CYP17A1: variants seen among roughly 807,000 people sequenced by gnomAD.
The protein encoded by CYP17A1 is cytochrome P450 family 17 subfamily A member 1.
A neutral mutation model predicts 38.5 loss-of-function variants in CYP17A1; 27 were observed. The ratio of observed to expected loss-of-function variants is 0.70; its 90% CI spans 0.52 to 0.97. The LOEUF is 0.97. Among genes scored for constraint, CYP17A1 ranks in the 50% least tolerant of loss-of-function variants. The probability of loss-of-function intolerance (pLI) is 0.00; values close to 1 mark genes in which losing one functional copy is unlikely to be tolerated. For missense variants in CYP17A1, 549 were observed against 645.9 expected, an observed-to-expected ratio of 0.85 and a Z score of 1.63; for synonymous variants, 263 against 253.3, an observed-to-expected ratio of 1.04 and a Z score of -0.36.
Position 102,834,861 on chromosome 10 carries a change from A to G in CYP17A1, c.590T>C (p.Val197Ala). ...GATGCCTTCATTGTAATTCTGTATG[A>G]CATTCAACTCAGGGTCCCCATTCTT... Reference protein sequence around the residue: ...SYKNGDPELNVIQNYNEGIID... With the variant: ...SYKNGDPELNAIQNYNEGIID... The change falls in exon 3 of 8, where the codon GTC becomes GCC. Residue 197 changes from valine to alanine, a missense_variant. Around this residue, in one of 3 missense-constraint regions of CYP17A1, gnomAD observed 289 missense variants for 320.9 expected, o/e 0.90. Transcript: ENST00000369887. 1 of 1,614,120 alleles carries G rather than the reference A, an allele frequency of 6.2e-7. No individual in the cohort carries two copies. Among genetic ancestry groups the G allele is most frequent in the South Asian group, 1.1e-5 (1 of 91,072 alleles).
intron 2 of CYP17A1, 107 bp downstream of exon 2, chr10:102,835,147 G>T: frequency 8.7e-7 from 1 of 1,151,434 alleles, no homozygotes; most frequent in Non-Finnish European, 1.3e-6. Flanking sequence ...CCAAGAAAAG[G>T]CTGCATTGCG....
chr10:102,837,268 G>A lies in CYP17A1; in HGVS notation c.94C>T (p.Leu32=), dbSNP rs2134085603. The part of the protein sequence containing the change: ...CPGAKYPKSL[L]SLPLVGSLPF... ...AGGCTGCCCACCAGGGGCAGGGACA[G>A]GAGGCTCTTGGGGTACTTGGCACCA... is the stretch of plus-strand genomic sequence containing the variant. The change falls in exon 1 of 8, where the codon CTG becomes TTG. Residue 32 remains leucine, a synonymous_variant. Coordinates refer to ENST00000369887, the MANE Select transcript of CYP17A1 (RefSeq NM_000102.4). 6.2e-7 allele frequency: 1 copy of A among 1,603,476 alleles called. No homozygotes were observed. The highest frequency in any genetic ancestry group is 8.5e-7 in the Non-Finnish European group (1 of 1,170,246).
chr10:102,837,368 T>C lies in CYP17A1; in HGVS notation c.-7A>G, dbSNP rs772535358. On this transcript the variant is annotated 5_prime_UTR_variant, in exon 1 of 8. Coordinates refer to ENST00000369887, the MANE Select transcript of CYP17A1 (RefSeq NM_000102.4). ...GAGCCACGAGCTCCCACATGGTGGC[T>C]GGGTGCCGGCAGGCAAGATAGACAG... The C allele has an allele frequency of 6.2e-7, 1 of 1,600,768 alleles. No individual in the cohort carries two copies. The highest frequency in any genetic ancestry group is 1.1e-5 in the South Asian group (1 of 90,800).
chr10:102,835,569 C>A, intron 1 of CYP17A1, 177 bp from the exon 2 acceptor site: 1 of 681,678 alleles, frequency 1.5e-6, no homozygotes, highest in Non-Finnish European at 2.7e-6. Flanking sequence ...GTAGGACAGA[C>A]CCTAAGGCCT....
chr10:102,836,435 G>A (rs1590204529), intron 1 of CYP17A1, among the ~76,000 whole-genome samples: 1 of 134,424 alleles, frequency 7.4e-6, no homozygotes, highest in Non-Finnish European at 1.5e-5. Flanking sequence ...CAGGCTGGGC[G>A]ACAGAGAGAG....
chr10:102,835,957 C>T (rs1313845763), intron 1 of CYP17A1, among the ~76,000 whole-genome samples: 3 of 152,152 alleles, frequency 2.0e-5, no homozygotes, highest in East Asian at 1.9e-4. Flanking sequence ...GGACTTGGGC[C>T]GAGCCGCCTC....
At position 102,834,878 on chromosome 10, in the gene CYP17A1, C is replaced by T; in HGVS notation, c.573G>A (p.Gly191=). 6.2e-7 allele frequency: 1 copy of T among 1,613,980 alleles called. No individual in the cohort carries two copies. Among genetic ancestry groups the T allele is most frequent in the Non-Finnish European group, 8.5e-7 (1 of 1,180,000 alleles). ...TCTGTATGACATTCAACTCAGGGTC[C>T]CCATTCTTGTAGGAGGTATTGAAGC... The part of the protein sequence containing the change: ...LICFNTSYKN[G]DPELNVIQNY... Residue 191 remains glycine (G), a synonymous_variant, in exon 3 of 8, where the codon GGG becomes GGA. Transcript: ENST00000369887.
chr10:102,837,022 A>T, intron 1 of CYP17A1, 43 bp downstream of exon 1: 1 of 1,162,456 alleles, frequency 8.6e-7, no homozygotes, highest in Non-Finnish European at 1.3e-6. Context: ...GAACAATCCC[A>T]GGGGGTGGTG....
chr10:102,836,054 C>T (rs1185633857), intron 1 of CYP17A1, among the ~76,000 whole-genome samples: 2 of 152,166 alleles, frequency 1.3e-5, no homozygotes, highest in East Asian at 1.9e-4. Context: ...CTAGCCTTCT[C>T]CATCTTCTCT....
chr10:102,835,100 G>A, intron 2 of CYP17A1, 86 bp from the exon 3 acceptor site: 1 of 1,111,724 alleles, frequency 9.0e-7, no homozygotes, highest in East Asian at 2.4e-5. Context: ...CAGGAGCGGG[G>A]GACAGATAGC....
At position 102,834,296 on chromosome 10, in the gene CYP17A1, C is replaced by T. The variant is rs116314397; in HGVS notation, c.667-174G>A. ...GGGACACAGAACGGGTTTATCATGA[C>T]GACGAAGACAATTCTAAACAAGGGA... On this transcript the variant is annotated intron_variant, in intron 3 of 7. Coordinates refer to ENST00000369887, the MANE Select transcript of CYP17A1 (RefSeq NM_000102.4). 584 of 635,694 alleles carry T rather than the reference C, an allele frequency of 9.2e-4. 3 individuals carry two copies. The African/African-American group carries it at 9.4e-3, about 10-fold the overall frequency. The allele number at this position is 635,694 out of a possible 1,614,324, so 39.4% of individuals were successfully genotyped here.
At chr10:102,834,729 T>C (rs1220342973) in intron 3 of CYP17A1, 56 bp downstream of exon 3, 26 of 1,613,178 alleles carry the variant, frequency 1.6e-5, no homozygotes, top group East Asian at 6.7e-5. Context: ...GGAAGGAAGA[T>C]TGGGGACAAT....
intron 6 of CYP17A1, 90 bp downstream of exon 6, chr10:102,832,421 G>T: frequency 2.3e-6 from 2 of 873,194 alleles, no homozygotes; most frequent in East Asian, 4.8e-5. Context: ...AGGTTGGCCA[G>T]CAGGGGCCGG....
rs140012815 is a variant in CYP17A1 at position 102,837,376 on chromosome 10, G to A, written c.-15C>T. ...AGCTCCCACATGGTGGCTGGGTGCC[G>A]GCAGGCAAGATAGACAGCAGTGGAG... On this transcript the variant is annotated 5_prime_UTR_variant, in exon 1 of 8. Transcript: ENST00000369887. The A allele has an allele frequency of 1.5e-4, 235 of 1,580,842 alleles. No individual in the cohort carries two copies. Among genetic ancestry groups the A allele is most frequent in the South Asian group, 1.3e-3 (118 of 90,364 alleles).
chr10:102,831,441 T>C, intron 7 of CYP17A1, 67 bp downstream of exon 7: 1 of 1,597,608 alleles, frequency 6.3e-7, no homozygotes, highest in Non-Finnish European at 8.5e-7. Flanking sequence ...GGTGAAGGGG[T>C]ACTGGGGTGG....
rs747750444 is a variant in CYP17A1 at position 102,837,101 on chromosome 10, A to G, written c.261T>C (p.Ile87=). Residue 87 remains isoleucine (I), a synonymous_variant, in exon 1 of 8, where the codon ATT becomes ATC. Coordinates refer to ENST00000369887, the MANE Select transcript of CYP17A1 (RefSeq NM_000102.4). ...GCCCAGAGAAGTCCTTGCCCTTCTT[A>G]ATAAGCACCTCCTTGGCCAGCTGGT... ...GHHQLAKEVL[I]KKGKDFSGRP... is the part of the protein sequence containing the mutation. The G allele has an allele frequency of 6.2e-7, 1 of 1,609,098 alleles. No homozygotes were observed. Among genetic ancestry groups the G allele is most frequent in the South Asian group, 1.1e-5 (1 of 90,972 alleles).
At chr10:102,831,734 C>T in intron 6 of CYP17A1, 123 bp from the exon 7 acceptor site, 2 of 1,511,908 alleles carry the variant, frequency 1.3e-6, no homozygotes, top group Non-Finnish European at 1.8e-6. Context: ...TTCCCACTCA[C>T]TCATGTTTTC....
chr10:102,832,639 AC>A lies in CYP17A1; in HGVS notation c.1010del (p.Gly337ValfsTer82). ...KLYEEIDQNV[G>X]FSRTPTISDR... Reference sequence around the variant, plus strand: ...CACTGATAGTTGGTGTGCGGCTGAAACCCACATTCTGGTCAATCTCCTCGTA... The same window carrying A: ...CACTGATAGTTGGTGTGCGGCTGAAACCACATTCTGGTCAATCTCCTCGTA... On this transcript the variant is annotated frameshift_variant, in exon 6 of 8. Coordinates refer to ENST00000369887, the MANE Select transcript of CYP17A1 (RefSeq NM_000102.4). LOFTEE classifies it high-confidence loss of function. 3.7e-6 allele frequency: 6 copies of A among 1,608,912 alleles called. No homozygotes were observed. The highest frequency in any genetic ancestry group is 5.1e-6 in the Non-Finnish European group (6 of 1,175,210).
At chr10:102,831,652 G>A (rs200299396) in intron 6 of CYP17A1, 41 bp from the exon 7 acceptor site, 26 of 1,609,298 alleles carry the variant, frequency 1.6e-5, no homozygotes, top group African/African-American at 1.5e-4. Flanking sequence ...CTGGGACTTC[G>A]TACTCCCTTC....
Sources: gnomAD v4.1 joint callset for allele counts (sites outside exome capture counted in the v4.1 genomes callset) on GRCh38, gnomAD v4.1.1 for gene constraint, gnomAD v4.1.1 regional missense constraint, MANE v1.5 for transcripts, NCBI Gene and HGNC (gene_info 2026-07-23, HGNC 2026-07-21) for gene names.